EPB41L4A: variants seen among roughly 807,000 people sequenced by gnomAD.
EPB41L4A encodes band 4.1-like protein 4A.
Under a neutral mutation model 108.6 loss-of-function variants are expected in EPB41L4A, and 100 were observed. That is an observed-to-expected ratio of 0.92 (90% CI 0.78 to 1.09). EPB41L4A has a LOEUF of 1.09. Among genes scored for constraint, EPB41L4A ranks in the 50% least tolerant of loss-of-function variants. The pLI is 0.00. For synonymous variants in EPB41L4A, 319 were observed against 289.0 expected, an observed-to-expected ratio of 1.10 and a Z score of -1.05; for missense variants, 1,030 against 842.7, an observed-to-expected ratio of 1.22 and a Z score of -2.75.
intron 18 of EPB41L4A, among the ~76,000 whole-genome samples, chr5:112,182,391 A>G (rs1023101666): frequency 6.6e-6 from 1 of 152,180 alleles, no homozygotes; most frequent in Non-Finnish European, 1.5e-5. Context: ...ACAATTTTAA[A>G]TTATTCTATT....
intron 1 of EPB41L4A, among the ~76,000 whole-genome samples, chr5:112,336,388 C>A (rs954236944): frequency 6.6e-6 from 1 of 152,084 alleles, no homozygotes; most frequent in East Asian, 1.9e-4. Flanking sequence ...GAGTTCAATT[C>A]CAGAGTATGA....
intron 1 of EPB41L4A, among the ~76,000 whole-genome samples, chr5:112,417,651 G>C (rs972831734): frequency 6.6e-6 from 1 of 152,118 alleles, no homozygotes; most frequent in Non-Finnish European, 1.5e-5. Context: ...TCCCCGAAAA[G>C]AGTCTATTTT....
intron 1 of EPB41L4A, among the ~76,000 whole-genome samples, chr5:112,402,975 G>A (rs1761865045): frequency 6.6e-6 from 1 of 151,846 alleles, no homozygotes; most frequent in Non-Finnish European, 1.5e-5. Context: ...GTATTTAAAT[G>A]TCATGTCACT....
chr5:112,349,233 G>C (rs1030837818), intron 1 of EPB41L4A, among the ~76,000 whole-genome samples: 2 of 152,140 alleles, frequency 1.3e-5, no homozygotes, highest in East Asian at 1.9e-4. Flanking sequence ...TCATTTTACA[G>C]GTATGCAGAG....
intron 18 of EPB41L4A, chr5:112,175,190 C>G (rs752169407): frequency 6.6e-6 from 1 of 152,218 alleles, no homozygotes; most frequent in Non-Finnish European, 1.5e-5. Flanking sequence ...AGAGGGAGCC[C>G]GAACCTTCTC....
At chr5:112,153,723 A>C (rs954257766) in intron 12 of EPB41L4A, among the ~76,000 whole-genome samples, 2 of 151,582 alleles carry the variant, frequency 1.3e-5, no homozygotes, top group Admixed American at 6.6e-5. Flanking sequence ...GATTGGAATA[A>C]TATGGTTAAT....
chr5:112,313,528 C>A (rs1030827702), intron 1 of EPB41L4A, among the ~76,000 whole-genome samples: 1 of 152,092 alleles, frequency 6.6e-6, no homozygotes, highest in Non-Finnish European at 1.5e-5. Context: ...GAGGTGGAGG[C>A]TGCAGTAAGC....
At chr5:112,146,303 C>T (rs983301795) in intron 12 of EPB41L4A, among the ~76,000 whole-genome samples, 1 of 152,200 alleles carries the variant, frequency 6.6e-6, no homozygotes. Context: ...TGACAGACTT[C>T]AGATCTCTAA....
At chr5:112,153,289 G>A (rs1184441162) in intron 12 of EPB41L4A, among the ~76,000 whole-genome samples, 3 of 152,008 alleles carry the variant, frequency 2.0e-5, no homozygotes, top group African/African-American at 7.3e-5. Context: ...ACTTTGGGAG[G>A]CCAAGGCGGG....
chr5:112,189,388 C>T (rs1198934680), intron 17 of EPB41L4A, among the ~76,000 whole-genome samples: 6 of 152,160 alleles, frequency 3.9e-5, no homozygotes, highest in African/African-American at 1.4e-4. Flanking sequence ...AATGAAGATT[C>T]ACAGGATAAA....
intron 15 of EPB41L4A, among the ~76,000 whole-genome samples, chr5:112,201,077 A>G (rs1762197712): frequency 6.6e-6 from 1 of 152,238 alleles, no homozygotes; most frequent in Non-Finnish European, 1.5e-5. Flanking sequence ...TGCAAGGTAA[A>G]TATGTGTGAA....
chr5:112,229,808 G>C (rs1748737277), intron 12 of EPB41L4A, among the ~76,000 whole-genome samples: 1 of 152,036 alleles, frequency 6.6e-6, no homozygotes, highest in Non-Finnish European at 1.5e-5. Context: ...CTAACATGGT[G>C]AAACGCTGTC....
At chr5:112,400,813 G>A (rs1010678446) in intron 1 of EPB41L4A, among the ~76,000 whole-genome samples, 2 of 152,142 alleles carry the variant, frequency 1.3e-5, no homozygotes, top group Admixed American at 6.5e-5. Flanking sequence ...TGTCAAGAAG[G>A]CAAAGGTATT....
At chr5:112,248,496 T>A (rs1750398862) in intron 9 of EPB41L4A, among the ~76,000 whole-genome samples, 1 of 152,214 alleles carries the variant, frequency 6.6e-6, no homozygotes, top group South Asian at 2.1e-4. Flanking sequence ...AATCTATTTC[T>A]TTTTACTTCA....
chr5:112,335,033 T>C (rs1297374778), intron 1 of EPB41L4A, among the ~76,000 whole-genome samples: 1 of 152,208 alleles, frequency 6.6e-6, no homozygotes, highest in Admixed American at 6.5e-5. Context: ...TTCATTTTCG[T>C]GAAGTCAATA....
Position 112,217,223 on chromosome 5 carries a change from C to T in EPB41L4A, c.1088-7241G>A, listed in dbSNP as rs1478562801. Among the ~76,000 whole-genome samples, 4 of 152,090 alleles carry T rather than the reference C, an allele frequency of 2.6e-5. No homozygotes were observed. The South Asian group carries it at 6.2e-4, about 24-fold the overall frequency. On this transcript the variant is annotated intron_variant, in intron 12 of 22. Coordinates refer to ENST00000261486, the MANE Select transcript of EPB41L4A (RefSeq NM_022140.5). ...CCTCCCAAAATGCTAGAATTACAGG[C>T]GTGAGCCACCGCATCCAGCTGGAAA...
intron 2 of EPB41L4A, among the ~76,000 whole-genome samples, chr5:112,298,557 C>A (rs907372481): frequency 5.9e-5 from 9 of 152,068 alleles, no homozygotes; most frequent in Non-Finnish European, 1.2e-4. Flanking sequence ...GGCGGATTAT[C>A]TTTTGTATAT....
At position 112,240,713 on chromosome 5, in the gene EPB41L4A, A is replaced by G. The variant is rs1380543632; in HGVS notation, c.887+6T>C. 2 of 1,505,312 alleles carry G rather than the reference A, an allele frequency of 1.3e-6. No individual in the cohort carries two copies. The highest frequency in any genetic ancestry group is 2.6e-5 in the South Asian group (2 of 76,496). 93.2% of individuals were successfully genotyped at this position (1,505,312 alleles called of 1,614,324 possible). A position where few individuals can be genotyped will look rare whatever the true frequency, so the allele number is the denominator to read the frequency against. On this transcript the variant is annotated splice_donor_region_variant and intron_variant, in intron 10 of 22. Transcript: ENST00000261486. ...GACAACAAACAAAATTTTTACATCA[A>G]TTTACCTAAAAAATGTATGATGTTC...
intron 1 of EPB41L4A, among the ~76,000 whole-genome samples, chr5:112,389,210 A>G (rs1414088373): frequency 6.6e-6 from 1 of 152,210 alleles, no homozygotes; most frequent in Non-Finnish European, 1.5e-5. Context: ...ACTCCCCTGT[A>G]TTAGATCTGT....
Sources: allele counts gnomAD v4.1 joint callset (sites outside exome capture counted in the v4.1 genomes callset), GRCh38; gene constraint gnomAD v4.1.1; transcripts MANE v1.5; gene names NCBI Gene and HGNC (gene_info 2026-07-23, HGNC 2026-07-21).